DGKB: variants seen among roughly 807,000 people sequenced by gnomAD.
DGKB encodes diacylglycerol kinase beta.
In DGKB, 67 loss-of-function variants were observed where a neutral mutation model predicts 114.3. That is an observed-to-expected ratio of 0.59 (90% CI 0.48 to 0.72). The LOEUF is 0.72. DGKB is among the 30% of genes least tolerant of loss of function. The pLI is 0.00. For missense variants in DGKB, 907 were observed against 975.2 expected, an observed-to-expected ratio of 0.93 and a Z score of 0.93; for synonymous variants, 398 against 323.1, an observed-to-expected ratio of 1.23 and a Z score of -2.49.
intron 13 of DGKB, among the ~76,000 whole-genome samples, chr7:14,667,219 CA>C (rs1367701601): frequency 6.6e-6 from 1 of 151,768 alleles, no homozygotes; most frequent in African/African-American, 2.4e-5. Flanking sequence ...AAGGGTGGTA[CA>C]AATTTTTTTT....
chr7:14,358,483 A>C (rs1195157154), intron 21 of DGKB, among the ~76,000 whole-genome samples: 1 of 151,946 alleles, frequency 6.6e-6, no homozygotes, highest in Admixed American at 6.6e-5. Context: ...CTAGTTAGCC[A>C]TATTCAATAA....
chr7:14,429,891 G>T (rs1583877322), intron 21 of DGKB, among the ~76,000 whole-genome samples: 1 of 151,564 alleles, frequency 6.6e-6, no homozygotes, highest in Admixed American at 6.6e-5. Context: ...CAGGCCACTG[G>T]ACTCCAGCCT....
intron 1 of DGKB, among the ~76,000 whole-genome samples, chr7:14,894,074 T>G (rs1401933456): frequency 1.5e-4 from 22 of 151,232 alleles, no homozygotes. Flanking sequence ...CAAATATATA[T>G]TAATAGATGC....
chr7:14,330,254 T>C (rs963931845), intron 23 of DGKB, among the ~76,000 whole-genome samples: 15 of 152,096 alleles, frequency 9.9e-5, no homozygotes, highest in African/African-American at 3.6e-4. Flanking sequence ...AACTATTAAA[T>C]TGATCAATAA....
intron 22 of DGKB, among the ~76,000 whole-genome samples, chr7:14,343,161 A>ACACACG (rs1453087193): frequency 7.0e-6 from 1 of 143,682 alleles, no homozygotes; most frequent in African/African-American, 2.8e-5. Context: ...AGCTATCCAC[A>ACACACG]CACACACACA....
intron 1 of DGKB, among the ~76,000 whole-genome samples, chr7:14,958,531 G>A (rs542806974): frequency 3.1e-4 from 47 of 150,566 alleles, no homozygotes; most frequent in Non-Finnish European, 5.0e-4. Flanking sequence ...CCTAAGCTTC[G>A]GGAAATTTCT....
At chr7:14,149,324 G>C in intron 25 of DGKB, 86 bp from the exon 26 acceptor site, 1 of 935,340 alleles carries the variant, frequency 1.1e-6, no homozygotes, top group Non-Finnish European at 1.6e-6. Flanking sequence ...TCTCTGTTAA[G>C]GTTAATAATA....
At chr7:14,846,694 T>C (rs1848666911) in intron 1 of DGKB, among the ~76,000 whole-genome samples, 1 of 152,188 alleles carries the variant, frequency 6.6e-6, no homozygotes, top group African/African-American at 2.4e-5. Context: ...TAGCAAGCAG[T>C]CTAATTCTGG....
intron 12 of DGKB, among the ~76,000 whole-genome samples, chr7:14,681,068 C>A (rs1379682092): frequency 6.7e-6 from 1 of 149,372 alleles, no homozygotes. Context: ...AAGCTCCCTG[C>A]AAGGTCTGAA....
chr7:14,702,565 T>C (rs1024524764), intron 6 of DGKB, among the ~76,000 whole-genome samples: 3 of 151,932 alleles, frequency 2.0e-5, no homozygotes, highest in Non-Finnish European at 4.4e-5. Context: ...AATTCACACA[T>C]CCCCAGGAGG....
At chr7:14,430,592 C>A (rs192452534) in intron 21 of DGKB, among the ~76,000 whole-genome samples, 2 of 152,138 alleles carry the variant, frequency 1.3e-5, no homozygotes, top group African/African-American at 4.8e-5. Context: ...CACATTGATT[C>A]CGTAAATGTT....
chr7:14,770,087 A>T (rs1204654140), intron 2 of DGKB, among the ~76,000 whole-genome samples: 1 of 152,090 alleles, frequency 6.6e-6, no homozygotes, highest in Non-Finnish European at 1.5e-5. Flanking sequence ...TGTTCAAACA[A>T]ACCTTCTCTG....
At chr7:14,753,235 T>G (rs1723230) in intron 4 of DGKB, among the ~76,000 whole-genome samples, 117 of 152,136 alleles carry the variant, frequency 7.7e-4, no homozygotes, top group African/African-American at 2.7e-3. Flanking sequence ...CGGTTTTAGA[T>G]AACTCATACA....
chr7:14,766,507 G>A (rs1318756088), intron 2 of DGKB, among the ~76,000 whole-genome samples: 2 of 151,924 alleles, frequency 1.3e-5, no homozygotes, highest in East Asian at 3.9e-4. Context: ...CACTGCAGAT[G>A]AAGCATGTTT....
chr7:14,468,839 C>T (rs1349513694), intron 21 of DGKB, among the ~76,000 whole-genome samples: 1 of 151,854 alleles, frequency 6.6e-6, no homozygotes, highest in East Asian at 1.9e-4. Flanking sequence ...TATTTGTTAT[C>T]CTAGAAGTAT....
At chr7:14,531,916 T>C (rs977180792) in intron 20 of DGKB, among the ~76,000 whole-genome samples, 2 of 150,872 alleles carry the variant, frequency 1.3e-5, no homozygotes, top group African/African-American at 2.4e-5. Context: ...AACAATTCAA[T>C]AGAGAAAATA....
chr7:14,929,056 C>T (rs1032749854), intron 1 of DGKB, among the ~76,000 whole-genome samples: 2 of 149,660 alleles, frequency 1.3e-5, no homozygotes, highest in African/African-American at 4.9e-5. Flanking sequence ...CACACACACA[C>T]ATACATATCA....
chr7:14,769,091 A>AAG (rs1351518107), intron 2 of DGKB, among the ~76,000 whole-genome samples: 13 of 129,208 alleles, frequency 1.0e-4, no homozygotes, highest in Non-Finnish European at 1.9e-4. Flanking sequence ...GAAAGAAAGA[A>AAG]AGAAAGAAAG....
At chr7:14,480,468 C>T (rs1453121159) in intron 20 of DGKB, among the ~76,000 whole-genome samples, 1 of 152,038 alleles carries the variant, frequency 6.6e-6, no homozygotes. Context: ...GGGACCCTGT[C>T]CCTTTGGCAT....
Sources: allele counts gnomAD v4.1 joint callset (sites outside exome capture counted in the v4.1 genomes callset), GRCh38; gene constraint gnomAD v4.1.1; transcripts MANE v1.5; gene names NCBI Gene and HGNC (gene_info 2026-07-23, HGNC 2026-07-21).